The following AKT3 variants were observed in gnomAD, a reference collection of about 807,000 sequenced individuals.
AKT3 encodes the protein RAC-gamma serine/threonine-protein kinase.
In AKT3, 15 loss-of-function variants were observed where a neutral mutation model predicts 65.3. That is an observed-to-expected ratio of 0.23 (90% CI 0.15 to 0.35). AKT3 has a LOEUF of 0.35. Among genes scored for constraint, AKT3 ranks in the 10% least tolerant of loss-of-function variants. The pLI, the probability that AKT3 is intolerant of heterozygous loss-of-function variation, is 1.00. For synonymous variants in AKT3, 206 were observed against 183.8 expected (o/e 1.12, Z -0.98); for missense variants, 243 against 576.5 (o/e 0.42, Z 5.92).
At chr1:243,580,255 C>T (rs982036907) in intron 8 of AKT3, among the ~76,000 whole-genome samples, 4 of 152,140 alleles carry the variant, frequency 2.6e-5, no homozygotes, top group Admixed American at 6.5e-5. Flanking sequence ...AGTGAAGCCC[C>T]AGTGCATGAG....
At chr1:243,701,665 C>CAAAAAA (rs74162707) in intron 2 of AKT3, among the ~76,000 whole-genome samples, 2 of 124,962 alleles carry the variant, frequency 1.6e-5, no homozygotes, top group African/African-American at 3.0e-5. Context: ...AGAAAAAATG[C>CAAAAAA]AAAAAAAAAA....
chr1:243,623,033 G>C (rs10927045), intron 6 of AKT3, among the ~76,000 whole-genome samples: 118,633 of 152,158 alleles, frequency 0.78, 47,207 homozygotes, highest in Non-Finnish European at 0.86. Flanking sequence ...AACTGGCGCC[G>C]TTGGCCAACT....
chr1:243,683,213 G>T (rs965103666), intron 3 of AKT3, among the ~76,000 whole-genome samples: 30 of 152,130 alleles, frequency 2.0e-4, no homozygotes, highest in African/African-American at 7.0e-4. Context: ...GTGTTGTTGT[G>T]AAGATAAAAT....
At chr1:243,653,699 A>G (rs867597686) in intron 4 of AKT3, among the ~76,000 whole-genome samples, 1 of 152,314 alleles carries the variant, frequency 6.6e-6, no homozygotes, top group South Asian at 2.1e-4. Flanking sequence ...TTAAATCTCC[A>G]AATATGGTTG....
intron 2 of AKT3, among the ~76,000 whole-genome samples, chr1:243,758,994 G>A (rs1014647862): frequency 1.3e-5 from 2 of 152,088 alleles, no homozygotes; most frequent in African/African-American, 2.4e-5. Flanking sequence ...TCTGACTTAA[G>A]TTAAGTAGGA....
intron 4 of AKT3, among the ~76,000 whole-genome samples, chr1:243,655,766 CCAT>C (rs1681730189): frequency 6.6e-6 from 1 of 152,088 alleles, no homozygotes; most frequent in Non-Finnish European, 1.5e-5. Flanking sequence ...TAGTGGTTTA[CCAT>C]GTCTCCTCTT....
intron 3 of AKT3, among the ~76,000 whole-genome samples, chr1:243,692,716 G>C (rs6429431): frequency 0.84 from 126,822 of 151,764 alleles, 53,158 homozygotes; most frequent in Non-Finnish European, 0.87. Flanking sequence ...CCAGCCCGGG[G>C]GACAGAGTGA....
At chr1:243,645,156 A>T (rs1227004751) in intron 5 of AKT3, among the ~76,000 whole-genome samples, 1 of 152,188 alleles carries the variant, frequency 6.6e-6, no homozygotes, top group Non-Finnish European at 1.5e-5. Flanking sequence ...TTCATGGATA[A>T]TACCTTGAAA....
intron 12 of AKT3, among the ~76,000 whole-genome samples, chr1:243,518,691 A>T (rs1320522202): frequency 6.6e-6 from 1 of 152,172 alleles, no homozygotes; most frequent in African/African-American, 2.4e-5. Context: ...AGAATGCCCC[A>T]ACTTCAGATT....
chr1:243,516,844 T>G (rs1170626919), intron 12 of AKT3, among the ~76,000 whole-genome samples: 1 of 152,184 alleles, frequency 6.6e-6, no homozygotes, highest in Non-Finnish European at 1.5e-5. Context: ...TACCTTGGCC[T>G]TCAAAAGTAC....
intron 3 of AKT3, among the ~76,000 whole-genome samples, chr1:243,688,770 C>T (rs184246068): frequency 4.6e-5 from 7 of 152,170 alleles, no homozygotes; most frequent in Admixed American, 3.9e-4. Flanking sequence ...TCAAAAATTT[C>T]ATCACATTGA....
At chr1:243,754,772 C>A (rs1158726772) in intron 2 of AKT3, among the ~76,000 whole-genome samples, 1 of 152,180 alleles carries the variant, frequency 6.6e-6, no homozygotes, top group Non-Finnish European at 1.5e-5. Context: ...CACACACCAC[C>A]CAGGTTCACA....
In AKT3 at chr1:243,565,371, G is replaced by A. The variant is rs866386849; in HGVS notation, c.820-1523C>T. 7.2e-5 allele frequency among the ~76,000 whole-genome samples: 11 copies of A among 152,198 alleles called. No individual in the cohort carries two copies. The Middle Eastern group carries it at 0.01, about 141-fold the overall frequency. On this transcript the variant is annotated intron_variant, in intron 9 of 13. Coordinates refer to ENST00000673466, the MANE Select transcript of AKT3 (RefSeq NM_005465.7). ...CCTGAATGGCTGGGAACACGGGCACGTGCCACCATGCCTGGCTAATTTCTT... is the reference window on the plus strand; with the variant it reads ...CCTGAATGGCTGGGAACACGGGCACATGCCACCATGCCTGGCTAATTTCTT...
chr1:243,617,408 A>C (rs918298696), intron 6 of AKT3, among the ~76,000 whole-genome samples: 3 of 152,152 alleles, frequency 2.0e-5, no homozygotes, highest in South Asian at 2.1e-4. Flanking sequence ...AACCAAGTCC[A>C]TTCACTTAAA....
At chr1:243,488,308 G>A (rs566813880) in exon 14 of AKT3, 11 of 152,690 alleles carry the variant, frequency 7.2e-5, no homozygotes, top group African/African-American at 2.6e-4. Context: ...CGTGCCTGCT[G>A]GTGCTTTTGA....
chr1:243,803,152 TA>T (rs1218986612), intron 2 of AKT3, among the ~76,000 whole-genome samples: 4 of 151,776 alleles, frequency 2.6e-5, no homozygotes. Flanking sequence ...TAATTTTTTT[TA>T]AAAAATTATA....
chr1:243,823,993 A>G (rs537329010), intron 2 of AKT3, among the ~76,000 whole-genome samples: 7 of 152,294 alleles, frequency 4.6e-5, no homozygotes, highest in African/African-American at 1.7e-4. Flanking sequence ...GCATCACACT[A>G]CCTGACTTCA....
At chr1:243,531,121 G>A (rs556869245) in intron 12 of AKT3, among the ~76,000 whole-genome samples, 3 of 151,944 alleles carry the variant, frequency 2.0e-5, no homozygotes, top group East Asian at 1.9e-4. Flanking sequence ...ATGAGGCCTC[G>A]TTCTGTCACC....
chr1:243,573,523 CATG>C (rs1332230528), intron 8 of AKT3, among the ~76,000 whole-genome samples: 5 of 152,030 alleles, frequency 3.3e-5, no homozygotes, highest in African/African-American at 1.2e-4. Flanking sequence ...TTTGATTAAT[CATG>C]ATATCTCTAA....
Sources: allele counts gnomAD v4.1 joint callset (sites outside exome capture counted in the v4.1 genomes callset), GRCh38; gene constraint gnomAD v4.1.1; transcripts MANE v1.5; gene names NCBI Gene and HGNC (gene_info 2026-07-23, HGNC 2026-07-21).